Variants in FABP9 observed in about 807,000 individuals in gnomAD.
The protein encoded by FABP9 is fatty acid binding protein 9, also known as fatty acid-binding protein 9.
Under a neutral mutation model 14.7 loss-of-function variants are expected in FABP9, and 11 were observed. The ratio of observed to expected loss-of-function variants is 0.75; its 90% confidence interval spans 0.47 to 1.24. The LOEUF is 1.24. FABP9 is among the 50% of genes most tolerant of loss of function. The pLI, the probability that FABP9 is intolerant of heterozygous loss-of-function variation, is 0.00. For synonymous variants in FABP9, 54 were observed against 50.6 expected, an observed-to-expected ratio of 1.07 and a Z score of -0.29; for missense variants, 171 against 158.2, an observed-to-expected ratio of 1.08 and a Z score of -0.44.
In FABP9 at chr8:81,458,315, T is replaced by G. The variant is rs1807625940; in HGVS notation, c.*68A>C. The G allele has an allele frequency of 8.2e-7, 1 of 1,212,284 alleles. No homozygotes were observed. Among genetic ancestry groups the G allele is most frequent in the Non-Finnish European group, 1.2e-6 (1 of 819,370 alleles). 75.1% of individuals were successfully genotyped at this position (1,212,284 alleles called of 1,614,324 possible). ...GACATTTTTTAAAAATCACCAGCCC[T>G]GAGGCATATCTTCTTCAGGTACCAG... is the stretch of plus-strand genomic sequence containing the variant. On this transcript the variant is annotated 3_prime_UTR_variant, in exon 4 of 4. Transcript: ENST00000379071.
chr8:81,458,740 C>G (rs1807635922), intron 2 of FABP9, 37 bp from the exon 3 acceptor site: 1 of 1,387,090 alleles, frequency 7.2e-7, no homozygotes, highest in Non-Finnish European at 1.0e-6. Flanking sequence ...TAGCAACTCA[C>G]TACCTTCTAA....
At chr8:81,461,034 G>T (rs1329988606) in intron 1 of FABP9, among the ~76,000 whole-genome samples, 2 of 152,122 alleles carry the variant, frequency 1.3e-5, no homozygotes, top group Non-Finnish European at 2.9e-5. Context: ...TTTGTTAGTT[G>T]ATACTGCTGT....
At chr8:81,459,711 A>G (rs1369506918) in intron 1 of FABP9, among the ~76,000 whole-genome samples, 2 of 152,092 alleles carry the variant, frequency 1.3e-5, no homozygotes, top group Non-Finnish European at 2.9e-5. Context: ...CCCATTGTCA[A>G]ACTTGACTCC....
intron 2 of FABP9, 36 bp downstream of exon 2, chr8:81,459,129 C>A: frequency 6.5e-7 from 1 of 1,549,244 alleles, no homozygotes. Flanking sequence ...CTAACTTTTT[C>A]CTGATTGTTG....
At chr8:81,458,905 A>G (rs1807639918) in intron 2 of FABP9, among the ~76,000 whole-genome samples, 1 of 152,218 alleles carries the variant, frequency 6.6e-6, no homozygotes, top group Admixed American at 6.5e-5. Flanking sequence ...TGCATAAGCT[A>G]TTTGTGTTTA....
At position 81,458,294 on chromosome 8, in the gene FABP9, T is replaced by G. The variant is rs1156773873; in HGVS notation, c.*89A>C. ...TATTAAGCAAATTTATATTGAGACA[T>G]TTTTTAAAAATCACCAGCCCTGAGG... On this transcript the variant is annotated 3_prime_UTR_variant, in exon 4 of 4. Transcript: ENST00000379071. 3.0e-6 allele frequency: 3 copies of G among 997,978 alleles called. No individual in the cohort carries two copies. The African/African-American group carries it at 4.9e-5, about 16-fold the overall frequency. The allele number at this position is 997,978 out of a possible 1,614,324, so 61.8% of individuals were successfully genotyped here. A position where few individuals can be genotyped will look rare whatever the true frequency, so the allele number is the denominator to read the frequency against.
chr8:81,461,440 G>C lies in FABP9; in HGVS notation c.73+11C>G, dbSNP rs1180843941. ...TTTGCCAATTTCCAAATTTGTAATG[G>C]TATTTCTCACCCAGTTCTTTCATGT... On this transcript the variant is annotated intron_variant, in intron 1 of 3. Coordinates refer to ENST00000379071, the MANE Select transcript of FABP9 (RefSeq NM_001080526.2). 1 of 1,594,280 alleles carries C rather than the reference G, an allele frequency of 6.3e-7. No homozygotes were observed. Among genetic ancestry groups the C allele is most frequent in the East Asian group, 2.2e-5 (1 of 44,792 alleles).
chr8:81,461,174 C>T (rs1045819575), intron 1 of FABP9, among the ~76,000 whole-genome samples: 7 of 152,098 alleles, frequency 4.6e-5, no homozygotes, highest in Admixed American at 1.3e-4. Context: ...AAATGAAATT[C>T]TATCTAGAAG....
At position 81,458,630 on chromosome 8, in the gene FABP9, C is replaced by A. The variant is rs1323075875; in HGVS notation, c.320G>T (p.Arg107Ile). 3 of 1,613,512 alleles carry A rather than the reference C, an allele frequency of 1.9e-6. No individual in the cohort carries two copies. Among genetic ancestry groups the A allele is most frequent in the Middle Eastern group, 3.3e-4 (2 of 6,052 alleles). ...KWLGKETTIK[R>I]KIVDEKMVVE... ...TACCATTTTTTCATCCACAATTTTTCTTTTGATTGTTGTCTCTTTGCCAAG... is the reference window on the plus strand; with the variant it reads ...TACCATTTTTTCATCCACAATTTTTATTTTGATTGTTGTCTCTTTGCCAAG... Residue 107 changes from arginine to isoleucine, a missense_variant, in exon 3 of 4, where the codon AGA becomes ATA. By Grantham distance (97) the Arg-to-Ile change is moderately conservative. Transcript: ENST00000379071.
intron 1 of FABP9, 35 bp from the exon 2 acceptor site, chr8:81,459,372 A>T: frequency 6.8e-7 from 1 of 1,462,434 alleles, no homozygotes; most frequent in East Asian, 2.7e-5. Flanking sequence ...CCTTATTAAG[A>T]CATTGTTAAC....
chr8:81,458,465 T>C (rs1807628909), intron 3 of FABP9, 32 bp from the exon 4 acceptor site: 1 of 1,578,704 alleles, frequency 6.3e-7, no homozygotes, highest in Non-Finnish European at 8.7e-7. Flanking sequence ...TTAGAGCTGG[T>C]AGATAACAGG....
chr8:81,461,307 A>G, intron 1 of FABP9, 144 bp downstream of exon 1: 1 of 668,348 alleles, frequency 1.5e-6, no homozygotes, highest in East Asian at 2.5e-5. Context: ...TAAAAAAGCA[A>G]AAGTAGAAGC....
At position 81,458,674 on chromosome 8, in the gene FABP9, C is replaced by T; in HGVS notation, c.276G>A (p.Met92Ile). 2 of 1,613,680 alleles carry T rather than the reference C, an allele frequency of 1.2e-6. No homozygotes were observed. Among genetic ancestry groups the T allele is most frequent in the Non-Finnish European group, 1.7e-6 (2 of 1,179,776 alleles). ...TGCCAAGCCATTTTTGGACGTGAAT[C>T]ATTGAGCCATTCTCTAATGTTATGG... ...KSTITLENGSMIHVQKWLGKE... is the reference protein window; with the variant it reads ...KSTITLENGSIIHVQKWLGKE... Residue 92 changes from methionine to isoleucine, a missense_variant, in exon 3 of 4, where the codon ATG (methionine) becomes ATA (isoleucine). By Grantham distance (10) the Met-to-Ile change is conservative. Coordinates refer to ENST00000379071, the MANE Select transcript of FABP9 (RefSeq NM_001080526.2).
intron 2 of FABP9, 69 bp from the exon 3 acceptor site, chr8:81,458,772 A>C: frequency 9.7e-7 from 1 of 1,029,292 alleles, no homozygotes; most frequent in East Asian, 2.4e-5. Context: ...CCACATATCT[A>C]CTTTTTAATT....
chr8:81,458,321 A>G lies in FABP9; in HGVS notation c.*62T>C. 1 of 1,283,004 alleles carries G rather than the reference A, an allele frequency of 7.8e-7. No homozygotes were observed. The highest frequency in any genetic ancestry group is 1.1e-6 in the Non-Finnish European group (1 of 882,388). 79.5% of individuals were successfully genotyped at this position (1,283,004 alleles called of 1,614,324 possible). ...TTTTAAAAATCACCAGCCCTGAGGCATATCTTCTTCAGGTACCAGTTCCTT... is the reference window on the plus strand; with the variant it reads ...TTTTAAAAATCACCAGCCCTGAGGCGTATCTTCTTCAGGTACCAGTTCCTT... On this transcript the variant is annotated 3_prime_UTR_variant, in exon 4 of 4. Coordinates refer to ENST00000379071, the MANE Select transcript of FABP9 (RefSeq NM_001080526.2).
At chr8:81,458,499 C>T (rs191059056) in intron 3 of FABP9, 66 bp from the exon 4 acceptor site, 99 of 1,496,054 alleles carry the variant, frequency 6.6e-5, no homozygotes, top group Non-Finnish European at 3.3e-5. Context: ...GCCCCTTTCT[C>T]CTCAGACCAA....
intron 1 of FABP9, among the ~76,000 whole-genome samples, chr8:81,460,488 A>G (rs962835906): frequency 6.6e-6 from 1 of 152,180 alleles, no homozygotes; most frequent in Non-Finnish European, 1.5e-5. Context: ...TGAGTCTATA[A>G]ATCTATGAAG....
At position 81,459,303 on chromosome 8, in the gene FABP9, T is replaced by C. The variant is rs764312164; in HGVS notation, c.108A>G (p.Leu36=). The C allele has an allele frequency of 1.5e-5, 23 of 1,556,752 alleles. No homozygotes were observed. In the South Asian group the frequency reaches 2.6e-4, roughly 18 times the overall value. The change falls in exon 2 of 4, where the codon TTA becomes TTG. Residue 36 remains leucine (L), a synonymous_variant. Coordinates refer to ENST00000379071, the MANE Select transcript of FABP9 (RefSeq NM_001080526.2). The part of the protein sequence containing the change: ...VNFAARNMAG[L]VKPTVTISVD... ...CACTAATAGTTACTGTCGGTTTCAC[T>C]AACCCTGCCATGTTCCGGGCTGCGA... is the stretch of plus-strand genomic sequence containing the variant.
Position 81,459,353 on chromosome 8 carries a change from A to C in FABP9, c.74-16T>G. 2 of 1,502,216 alleles carry C rather than the reference A, an allele frequency of 1.3e-6. No homozygotes were observed. Among genetic ancestry groups the C allele is most frequent in the East Asian group, 2.6e-5 (1 of 38,448 alleles). The allele number at this position is 1,502,216 out of a possible 1,614,324, so 93.1% of individuals were successfully genotyped here. On this transcript the variant is annotated splice_polypyrimidine_tract_variant and intron_variant, in intron 1 of 3. Transcript: ENST00000379071. Reference sequence around the variant, plus strand: ...AAATTCACTCCTACAAGACAGAGATAGCCTTGGACCTTATTAAGACATTGT... The same window carrying C: ...AAATTCACTCCTACAAGACAGAGATCGCCTTGGACCTTATTAAGACATTGT...
Sources: gnomAD v4.1 joint callset for allele counts (sites outside exome capture counted in the v4.1 genomes callset) on GRCh38, gnomAD v4.1.1 for gene constraint, MANE v1.5 for transcripts, NCBI Gene and HGNC (gene_info 2026-07-23, HGNC 2026-07-21) for gene names.